Variants in METTL15 observed in about 807,000 individuals in gnomAD.
METTL15 encodes the protein methyltransferase 15, mitochondrial 12S rRNA N4-cytidine.
Under a neutral mutation model 38.3 loss-of-function variants are expected in METTL15, and 34 were observed. The ratio of observed to expected loss-of-function variants is 0.89; its 90% CI spans 0.68 to 1.18. METTL15 has a LOEUF of 1.18. METTL15 is among the 50% of genes most tolerant of loss of function. The pLI is 0.00. For missense variants in METTL15, 438 were observed against 498.4 expected, an observed-to-expected ratio of 0.88 and a Z score of 1.15; for synonymous variants, 162 against 170.9, an observed-to-expected ratio of 0.95 and a Z score of 0.41.
chr11:28,396,827 C>G (rs1387190843), intron 5 of METTL15, among the ~76,000 whole-genome samples: 4 of 152,140 alleles, frequency 2.6e-5, no homozygotes, highest in African/African-American at 4.8e-5. Flanking sequence ...ATCCTGCTAC[C>G]TGACTTCAAA....
intron 5 of METTL15, among the ~76,000 whole-genome samples, chr11:28,398,017 C>G (rs1850590425): frequency 6.6e-6 from 1 of 151,650 alleles, no homozygotes; most frequent in African/African-American, 2.4e-5. Context: ...CATGTTCTCA[C>G]TCATAGATGG....
intron 3 of METTL15, among the ~76,000 whole-genome samples, chr11:28,158,649 A>G (rs1405355502): frequency 6.6e-6 from 1 of 152,154 alleles, no homozygotes; most frequent in Non-Finnish European, 1.5e-5. Flanking sequence ...CAAGACTACC[A>G]TCCATGGACT....
chr11:28,287,093 A>G (rs1036424862), intron 4 of METTL15: 4 of 153,968 alleles, frequency 2.6e-5, no homozygotes, highest in African/African-American at 7.3e-5. Flanking sequence ...ACACACACAC[A>G]CGTCTCACTA....
At chr11:28,468,380 G>A (rs970711296) in intron 6 of METTL15, among the ~76,000 whole-genome samples, 2 of 152,064 alleles carry the variant, frequency 1.3e-5, no homozygotes, top group African/African-American at 4.8e-5. Flanking sequence ...GTGCGTTCAC[G>A]AAAAAACAAT....
At chr11:28,195,076 A>G (rs1480058745) in intron 3 of METTL15, among the ~76,000 whole-genome samples, 1 of 152,044 alleles carries the variant, frequency 6.6e-6, no homozygotes, top group African/African-American at 2.4e-5. Flanking sequence ...TATATATACC[A>G]CATTTTCTTT....
In METTL15 at chr11:28,157,961, A is replaced by T. The variant is rs1296633454; in HGVS notation, c.270+44357A>T. Among the ~76,000 whole-genome samples, 3 of 152,176 alleles carry T rather than the reference A, an allele frequency of 2.0e-5. No homozygotes were observed. The East Asian group carries it at 5.8e-4, about 29-fold the overall frequency. On this transcript the variant is annotated intron_variant, in intron 3 of 6. Coordinates refer to ENST00000407364, the MANE Select transcript of METTL15 (RefSeq NM_001113528.2). ...CCCTTTTCTAGGACACCCCTGAAGGACGGCGGTGAAGGGAAATCTTCCCAG... is the reference window on the plus strand; with the variant it reads ...CCCTTTTCTAGGACACCCCTGAAGGTCGGCGGTGAAGGGAAATCTTCCCAG...
intron 6 of METTL15, among the ~76,000 whole-genome samples, chr11:28,308,750 C>T (rs914073731): frequency 3.9e-5 from 6 of 151,996 alleles, no homozygotes; most frequent in African/African-American, 1.5e-4. Flanking sequence ...TTAGTTTCCC[C>T]AAATCTCCAG....
At chr11:28,356,140 T>G (rs1279647925) in intron 4 of METTL15, among the ~76,000 whole-genome samples, 1 of 152,210 alleles carries the variant, frequency 6.6e-6, no homozygotes, top group East Asian at 1.9e-4. Flanking sequence ...AGGTCTTCCC[T>G]GGCCTTCTAC....
chr11:28,390,988 G>C (rs576976258), intron 5 of METTL15, among the ~76,000 whole-genome samples: 3 of 152,144 alleles, frequency 2.0e-5, no homozygotes, highest in Non-Finnish European at 2.9e-5. Flanking sequence ...TCTCTTTGAA[G>C]CAATTGTGAA....
chr11:28,338,771 T>A (rs567178140), intron 3 of METTL15, among the ~76,000 whole-genome samples: 1 of 152,110 alleles, frequency 6.6e-6, no homozygotes, highest in African/African-American at 2.4e-5. Flanking sequence ...AAAATTGACT[T>A]CAAATTACAA....
chr11:28,286,583 A>G (rs1856271613), intron 4 of METTL15, among the ~76,000 whole-genome samples: 1 of 152,092 alleles, frequency 6.6e-6, no homozygotes, highest in Admixed American at 6.6e-5. Context: ...TAGGGACAAA[A>G]GTTATAGAAA....
chr11:28,391,236 A>G (rs896102020), intron 5 of METTL15, among the ~76,000 whole-genome samples: 1 of 152,020 alleles, frequency 6.6e-6, no homozygotes, highest in Non-Finnish European at 1.5e-5. Context: ...TCTCCTGCCT[A>G]ATTGCCCTGG....
At chr11:28,152,006 G>C (rs374082207) in intron 3 of METTL15, among the ~76,000 whole-genome samples, 1 of 151,940 alleles carries the variant, frequency 6.6e-6, no homozygotes, top group African/African-American at 2.4e-5. Flanking sequence ...AATTCCCAGC[G>C]TGAGTGCCTG....
At chr11:28,446,950 A>G (rs1467477960) in intron 6 of METTL15, among the ~76,000 whole-genome samples, 1 of 152,136 alleles carries the variant, frequency 6.6e-6, no homozygotes, top group Non-Finnish European at 1.5e-5. Flanking sequence ...ACACTATAAA[A>G]ATTAAAATGG....
chr11:28,453,771 T>C (rs1340093615), intron 6 of METTL15, among the ~76,000 whole-genome samples: 1 of 152,182 alleles, frequency 6.6e-6, no homozygotes, highest in Non-Finnish European at 1.5e-5. Context: ...TAGCTTTCAC[T>C]ATGTGCGAGT....
In METTL15 at chr11:28,436,161, C is replaced by G. The variant is rs543160142; in HGVS notation, c.*424+11797C>G. On this transcript the variant is annotated intron_variant and NMD_transcript_variant, in intron 6 of 7. Transcript: ENST00000532947. ...TAGTTATAACAGGTGACAGTCTTAA[C>G]AGTGGTTTCACCGTTATATGAAATG... is the stretch of plus-strand genomic sequence containing the variant. 5.3e-5 allele frequency among the ~76,000 whole-genome samples: 8 copies of G among 152,310 alleles called. 1 individual carries two copies. Among genetic ancestry groups the G allele is most frequent in the African/African-American group, 1.9e-4 (8 of 41,574 alleles).
rs542481842 is a variant in METTL15 at position 28,251,096 on chromosome 11, C to T, written c.408-39110C>T. Among the ~76,000 whole-genome samples, 8 of 152,062 alleles carry T rather than the reference C, an allele frequency of 5.3e-5. 1 individual carries two copies. In the East Asian group the frequency reaches 9.6e-4, roughly 18 times the overall value. The stretch of plus-strand genomic sequence containing the variant: ...AAGGTTCTGTGACTTTCTAACCTCC[C>T]ATTTGTTTCTCAGTAGAGCAGATCT... On this transcript the variant is annotated intron_variant, in intron 4 of 6. Coordinates refer to ENST00000407364, the MANE Select transcript of METTL15 (RefSeq NM_001113528.2).
chr11:28,344,130 T>G (rs1849978314), intron 3 of METTL15, among the ~76,000 whole-genome samples: 1 of 152,184 alleles, frequency 6.6e-6, no homozygotes, highest in African/African-American at 2.4e-5. Context: ...TTTGTTATTC[T>G]TGTTCACCAA....
intron 6 of METTL15, among the ~76,000 whole-genome samples, chr11:28,308,404 C>T (rs1857153223): frequency 1.3e-5 from 2 of 152,056 alleles, no homozygotes; most frequent in Admixed American, 1.3e-4. Context: ...GTCTTTCTAT[C>T]TCTGTGTTAT....
Sources: allele counts gnomAD v4.1 joint callset (sites outside exome capture counted in the v4.1 genomes callset), GRCh38; gene constraint gnomAD v4.1.1; transcripts MANE v1.5; gene names NCBI Gene and HGNC (gene_info 2026-07-23, HGNC 2026-07-21).